The following TLN2 variants were observed in gnomAD, a reference collection of about 807,000 sequenced individuals.
The protein encoded by TLN2 is talin-2.
Under a neutral mutation model 294.7 loss-of-function variants are expected in TLN2, and 118 were observed. The ratio of observed to expected loss-of-function variants is 0.40; its 90% CI spans 0.34 to 0.47. The LOEUF (loss-of-function observed/expected upper bound fraction) is 0.47. TLN2 is among the 20% of genes least tolerant of loss of function. The pLI is 0.84. For missense variants in TLN2, 3,083 were observed against 3,282.2 expected, an observed-to-expected ratio of 0.94 and a Z score of 1.48; for synonymous variants, 1,431 against 1,304.5, an observed-to-expected ratio of 1.10 and a Z score of -2.09.
At chr15:62,422,219 C>CAAAAAAAAAA (rs386383227) in intron 1 of TLN2, among the ~76,000 whole-genome samples, 1 of 55,358 alleles carries the variant, frequency 1.8e-5, no homozygotes, top group African/African-American at 7.8e-5. Flanking sequence ...AACTCTGTCT[C>CAAAAAAAAAA]AAAAAAAAAA....
At chr15:62,402,466 C>G (rs1001960520) in intron 1 of TLN2, among the ~76,000 whole-genome samples, 1 of 152,208 alleles carries the variant, frequency 6.6e-6, no homozygotes, top group African/African-American at 2.4e-5. Context: ...TTCTTGTCCT[C>G]CTTACCCAGC....
intron 2 of TLN2, among the ~76,000 whole-genome samples, chr15:62,606,747 T>G (rs75061733): frequency 5.7e-4 from 87 of 152,302 alleles, no homozygotes; most frequent in African/African-American, 1.9e-3. Context: ...TTGGGCAGAC[T>G]TGGGTTGAAG....
intron 9 of TLN2, among the ~76,000 whole-genome samples, chr15:62,672,041 G>T (rs2141001098): frequency 6.6e-6 from 1 of 152,180 alleles, no homozygotes; most frequent in Non-Finnish European, 1.5e-5. Context: ...TGATCATTGG[G>T]TTTAGATGTT....
intron 32 of TLN2, among the ~76,000 whole-genome samples, 191 bp from the exon 33 acceptor site, chr15:62,748,160 G>C (rs114594703): frequency 6.6e-6 from 1 of 152,078 alleles, no homozygotes; most frequent in Non-Finnish European, 1.5e-5. Context: ...CAGAGGCGAG[G>C]TAGGGTTTCT....
At chr15:62,723,295 G>A (rs925335980) in intron 26 of TLN2, among the ~76,000 whole-genome samples, 13 of 152,158 alleles carry the variant, frequency 8.5e-5, no homozygotes, top group Admixed American at 2.0e-4. Flanking sequence ...AAGAGAGCTC[G>A]TGGTACTGTC....
intron 1 of TLN2, among the ~76,000 whole-genome samples, chr15:62,405,621 C>G (rs899216196): frequency 6.6e-6 from 1 of 152,238 alleles, no homozygotes; most frequent in African/African-American, 2.4e-5. Flanking sequence ...AGTCACCTCT[C>G]TGAGGGCTTT....
chr15:62,524,350 T>A (rs1477179852), intron 1 of TLN2, among the ~76,000 whole-genome samples: 1 of 152,170 alleles, frequency 6.6e-6, no homozygotes, highest in Non-Finnish European at 1.5e-5. Context: ...GTTAACAATT[T>A]AACAATTCTC....
intron 1 of TLN2, among the ~76,000 whole-genome samples, chr15:62,492,375 G>A (rs547961581): frequency 3.6e-4 from 55 of 151,794 alleles, no homozygotes; most frequent in Non-Finnish European, 6.8e-4. Context: ...TGGCTAACAC[G>A]GTGAAACCCC....
chr15:62,449,224 G>T (rs891928483), intron 1 of TLN2, among the ~76,000 whole-genome samples: 2 of 152,288 alleles, frequency 1.3e-5, no homozygotes, highest in Middle Eastern at 6.8e-3. Flanking sequence ...TTGGTGAGTG[G>T]TATGGGGAGG....
chr15:62,685,500 A>G (rs73435666), intron 11 of TLN2, among the ~76,000 whole-genome samples: 19,003 of 152,060 alleles, frequency 0.12, 1,374 homozygotes, highest in Admixed American at 0.22. Context: ...AAATTTCTCA[A>G]AGCTAGCTGT....
intron 1 of TLN2, among the ~76,000 whole-genome samples, chr15:62,528,555 C>G (rs1292687856): frequency 1.3e-5 from 2 of 151,734 alleles, no homozygotes; most frequent in African/African-American, 2.4e-5. Context: ...CAAGGGTACT[C>G]AAGAGACAGA....
At chr15:62,490,193 A>G (rs1196579837) in intron 1 of TLN2, among the ~76,000 whole-genome samples, 1 of 152,234 alleles carries the variant, frequency 6.6e-6, no homozygotes, top group Non-Finnish European at 1.5e-5. Flanking sequence ...TTAAAGTGAT[A>G]GCTAACATCA....
rs539944198 is a variant in TLN2 at position 62,601,134 on chromosome 15, C to G, written c.-162+11372C>G. Reference sequence around the variant, plus strand: ...GTTTATTTTTTAGAGCAGAGATTCTCAAACAGGGATAATTTTCCTTTCCAG... The same window carrying G: ...GTTTATTTTTTAGAGCAGAGATTCTGAAACAGGGATAATTTTCCTTTCCAG... On this transcript the variant is annotated intron_variant, in intron 2 of 58. Coordinates refer to ENST00000636159, the MANE Select transcript of TLN2 (RefSeq NM_015059.3). Among the ~76,000 whole-genome samples the G allele has an allele frequency of 2.8e-4, 43 of 152,268 alleles. 1 individual carries two copies. Among genetic ancestry groups the G allele is most frequent in the African/African-American group, 9.6e-4 (40 of 41,548 alleles).
chr15:62,667,624 A>C (rs2054871194), intron 9 of TLN2, among the ~76,000 whole-genome samples: 1 of 152,186 alleles, frequency 6.6e-6, no homozygotes, highest in Admixed American at 6.5e-5. Context: ...AAGTGATAAA[A>C]ACCAACTTAG....
intron 1 of TLN2, among the ~76,000 whole-genome samples, chr15:62,480,596 A>G (rs990237617): frequency 6.6e-6 from 1 of 152,216 alleles, no homozygotes; most frequent in Non-Finnish European, 1.5e-5. Flanking sequence ...ATATATTTAA[A>G]AATAAGACAA....
intron 47 of TLN2, among the ~76,000 whole-genome samples, chr15:62,796,937 T>C (rs1301238825): frequency 2.0e-5 from 3 of 152,170 alleles, no homozygotes; most frequent in Admixed American, 6.5e-5. Flanking sequence ...CATTGAACTA[T>C]AGGGCTTGGG....
chr15:62,809,849 T>C, intron 51 of TLN2, 76 bp from the exon 52 acceptor site: 1 of 1,412,912 alleles, frequency 7.1e-7, no homozygotes. Context: ...GGTTAAGGTC[T>C]CTTGCCTCTG....
At chr15:62,770,817 C>A in intron 41 of TLN2, 147 bp from the exon 42 acceptor site, 2 of 909,980 alleles carry the variant, frequency 2.2e-6, no homozygotes, top group Admixed American at 2.8e-5. Context: ...AATTAGCAAG[C>A]ACTTTCAGCA....
intron 3 of TLN2, among the ~76,000 whole-genome samples, chr15:62,622,734 A>G (rs182168609): frequency 1.7e-4 from 26 of 152,180 alleles, no homozygotes; most frequent in African/African-American, 6.3e-4. Flanking sequence ...ATATACATTG[A>G]TTTTGTTTTG....
Sources: allele counts gnomAD v4.1 joint callset (sites outside exome capture counted in the v4.1 genomes callset), GRCh38; gene constraint gnomAD v4.1.1; transcripts MANE v1.5; gene names NCBI Gene and HGNC (gene_info 2026-07-23, HGNC 2026-07-21).